The following OPA3 variants were observed in gnomAD, a reference collection of about 807,000 sequenced individuals.
OPA3 encodes the protein outer mitochondrial membrane lipid metabolism regulator OPA3, also known as optic atrophy 3 protein.
In OPA3, 6 loss-of-function variants were observed where a neutral mutation model predicts 4.0. The ratio of observed to expected loss-of-function variants is 1.51; its 90% CI spans 0.83 to 2.99. OPA3 has a LOEUF of 2.99. OPA3 is among the 30% of genes most tolerant of loss of function. The pLI is 0.00. For missense variants in OPA3, 235 were observed against 256.2 expected (o/e 0.92, Z 0.56); for synonymous variants, 105 against 117.1 (o/e 0.90, Z 0.67).
chr19:45,556,824 C>T (rs911113255), intron 1 of OPA3, among the ~76,000 whole-genome samples: 4 of 152,202 alleles, frequency 2.6e-5, no homozygotes, highest in Admixed American at 1.3e-4. Context: ...AGGCCCTGGG[C>T]TTGTGGGTTC....
At chr19:45,544,532 C>T (rs1343248640), downstream of OPA3, among the ~76,000 whole-genome samples, 2 of 152,068 alleles carry the variant, frequency 1.3e-5, no homozygotes, top group African/African-American at 2.4e-5. Context: ...CAGTGGCTCA[C>T]GCCTGTAATC....
At chr19:45,577,786 A>C (rs182080310) in intron 1 of OPA3, among the ~76,000 whole-genome samples, 16 of 142,242 alleles carry the variant, frequency 1.1e-4, no homozygotes, top group African/African-American at 4.6e-4. Flanking sequence ...TGTTCCCGCC[A>C]AACATGTTCA....
chr19:45,574,793 C>A (rs1234733200), intron 1 of OPA3, among the ~76,000 whole-genome samples: 2 of 152,170 alleles, frequency 1.3e-5, no homozygotes, highest in East Asian at 3.8e-4. Context: ...AGATTCCAGG[C>A]CTTGCCCTTA....
downstream of OPA3, among the ~76,000 whole-genome samples, chr19:45,543,173 C>A (rs1969206646): frequency 6.6e-6 from 1 of 151,862 alleles, no homozygotes; most frequent in Non-Finnish European, 1.5e-5. Context: ...CCATGCCTGA[C>A]TAACTTTTGT....
intron 1 of OPA3, among the ~76,000 whole-genome samples, chr19:45,573,418 T>A (rs1969718167): frequency 6.6e-6 from 1 of 151,828 alleles, no homozygotes; most frequent in East Asian, 1.9e-4. Context: ...GCCACTGCAC[T>A]CCGGCCTGGG....
Position 45,546,423 on chromosome 19 carries a change from G to A in OPA3, c.*7091C>T. 1 of 557,084 alleles carries A rather than the reference G, an allele frequency of 1.8e-6. No homozygotes were observed. The highest frequency in any genetic ancestry group is 2.3e-6 in the Non-Finnish European group (1 of 440,448). The allele number at this position is 557,084 out of a possible 1,614,324, so 34.5% of individuals were successfully genotyped here. Reference sequence around the variant, plus strand: ...TTATATATTGTGTCACATAATATATGAATTATACACTTTTAAAATACATAG... The same window carrying A: ...TTATATATTGTGTCACATAATATATAAATTATACACTTTTAAAATACATAG... On this transcript the variant is annotated 3_prime_UTR_variant, in exon 2 of 2. Transcript: ENST00000263275.
At chr19:45,571,802 T>C (rs1185012273) in intron 1 of OPA3, among the ~76,000 whole-genome samples, 2 of 152,146 alleles carry the variant, frequency 1.3e-5, no homozygotes, top group Non-Finnish European at 2.9e-5. Context: ...TGTGCACCTT[T>C]CAGCTCCCCA....
intron 1 of OPA3, among the ~76,000 whole-genome samples, chr19:45,538,300 G>A: frequency 6.7e-6 from 1 of 149,160 alleles, no homozygotes; most frequent in East Asian, 2.0e-4. Flanking sequence ...GTATGCCTGT[G>A]GTCCCAGCTC....
At position 45,551,008 on chromosome 19, in the gene OPA3, T is replaced by C; in HGVS notation, c.*2506A>G. ...AAGGGTCTCACTCTGTCATCCAGGC[T>C]GGAGTGTAGTGGCGCGATCACGGCT... is the stretch of plus-strand genomic sequence containing the variant. On this transcript the variant is annotated 3_prime_UTR_variant, in exon 2 of 2. Transcript: ENST00000263275. 5.2e-6 allele frequency: 5 copies of C among 954,758 alleles called. No homozygotes were observed. Among genetic ancestry groups the C allele is most frequent in the Non-Finnish European group, 6.2e-6 (5 of 802,040 alleles). 59.1% of individuals were successfully genotyped at this position (954,758 alleles called of 1,614,324 possible). A position where few individuals can be genotyped will look rare whatever the true frequency, so the allele number is the denominator to read the frequency against.
chr19:45,572,681 T>A (rs985772515), intron 1 of OPA3, among the ~76,000 whole-genome samples: 1 of 130,706 alleles, frequency 7.7e-6, no homozygotes, highest in Non-Finnish European at 1.7e-5. Flanking sequence ...GATATATATC[T>A]ATATATATCA....
In OPA3 at chr19:45,551,813, G is replaced by A. The variant is rs1969337322; in HGVS notation, c.*1701C>T. 20 of 985,416 alleles carry A rather than the reference G, an allele frequency of 2.0e-5. No homozygotes were observed. Among genetic ancestry groups the A allele is most frequent in the Non-Finnish European group, 2.3e-5 (19 of 830,014 alleles). The allele number at this position is 985,416 out of a possible 1,614,324, so 61.0% of individuals were successfully genotyped here. A position where few individuals can be genotyped will look rare whatever the true frequency, so the allele number is the denominator to read the frequency against. On this transcript the variant is annotated 3_prime_UTR_variant, in exon 2 of 2. Transcript: ENST00000263275. ...TGTCGGGTCAGTCCAGAGCTCCGAG[G>A]AAAGAAAGCAAGAGCACACAGATTA...
chr19:45,565,120 G>A (rs1356037128), intron 1 of OPA3, among the ~76,000 whole-genome samples: 2 of 152,150 alleles, frequency 1.3e-5, no homozygotes, highest in Non-Finnish European at 2.9e-5. Flanking sequence ...TGTGGTCCCA[G>A]CTACTTCGGA....
chr19:45,557,742 G>A (rs1173420880), intron 1 of OPA3, among the ~76,000 whole-genome samples: 2 of 152,142 alleles, frequency 1.3e-5, no homozygotes, highest in African/African-American at 2.4e-5. Flanking sequence ...AATACAGCCT[G>A]TCTATCCCCT....
chr19:45,528,732 A>C, exon 2 of OPA3: 5 of 295,080 alleles, frequency 1.7e-5, no homozygotes, highest in South Asian at 9.0e-5. Flanking sequence ...TGGCCTACCT[A>C]GCGGTAGGGA....
At chr19:45,573,370 G>C (rs948837519) in intron 1 of OPA3, among the ~76,000 whole-genome samples, 1 of 152,124 alleles carries the variant, frequency 6.6e-6, no homozygotes, top group African/African-American at 2.4e-5. Flanking sequence ...AGAATCACTT[G>C]AACCCAGGAG....
intron 1 of OPA3, among the ~76,000 whole-genome samples, chr19:45,576,020 G>C (rs1969761688): frequency 6.6e-6 from 1 of 152,148 alleles, no homozygotes; most frequent in African/African-American, 2.4e-5. Context: ...GATCACCTGA[G>C]GTCAGGAGTT....
At chr19:45,532,377 G>A (rs1969069185) in intron 1 of OPA3, among the ~76,000 whole-genome samples, 1 of 152,172 alleles carries the variant, frequency 6.6e-6, no homozygotes, top group African/African-American at 2.4e-5. Context: ...AGTGAGTTCT[G>A]TGAGTCTTTC....
In OPA3 at chr19:45,583,458, C is replaced by A. The variant is rs184846489; in HGVS notation, c.142+1165G>T. 2.0e-5 allele frequency among the ~76,000 whole-genome samples: 3 copies of A among 147,408 alleles called. No homozygotes were observed. In the East Asian group the frequency reaches 6.3e-4, roughly 31 times the overall value. ...TGAGCCACCGCGCCCGGCAAGATCACCTTTTTAAAGTAGTTTATATTTTGG... is the reference window on the plus strand; with the variant it reads ...TGAGCCACCGCGCCCGGCAAGATCAACTTTTTAAAGTAGTTTATATTTTGG... On this transcript the variant is annotated intron_variant, in intron 1 of 1. Coordinates refer to ENST00000263275, the MANE Select transcript of OPA3 (RefSeq NM_025136.4).
intron 1 of OPA3, among the ~76,000 whole-genome samples, chr19:45,530,251 A>G (rs989147652): frequency 3.3e-5 from 5 of 152,098 alleles, no homozygotes; most frequent in Non-Finnish European, 7.4e-5. Context: ...CTACTCTGGA[A>G]GTTGAAGCAG....
Sources: allele counts gnomAD v4.1 joint callset (sites outside exome capture counted in the v4.1 genomes callset), GRCh38; gene constraint gnomAD v4.1.1; transcripts MANE v1.5; gene names NCBI Gene and HGNC (gene_info 2026-07-23, HGNC 2026-07-21).